DNAJC6: variants seen among roughly 807,000 people sequenced by gnomAD.
DNAJC6 encodes the protein auxilin.
DNAJC6 carries 34 observed loss-of-function variants against 110.0 expected under a neutral mutation model. The ratio of observed to expected loss-of-function variants is 0.31; its 90% CI spans 0.24 to 0.41. The LOEUF is 0.41. DNAJC6 is among the 10% of genes least tolerant of loss of function. The probability of loss-of-function intolerance (pLI) is 1.00; values close to 1 mark genes in which losing one functional copy is unlikely to be tolerated. For synonymous variants in DNAJC6, 406 were observed against 437.2 expected (o/e 0.93, Z 0.89); for missense variants, 1,031 against 1,207.8 (o/e 0.85, Z 2.17).
chr1:65,280,505 G>C (rs1653811314), intron 1 of DNAJC6, among the ~76,000 whole-genome samples: 1 of 152,168 alleles, frequency 6.6e-6, no homozygotes, highest in Non-Finnish European at 1.5e-5. Flanking sequence ...TTACGTGTTA[G>C]GAGGATAATT....
chr1:65,398,890 A>G lies in DNAJC6; in HGVS notation c.2107+9A>G. On this transcript the variant is annotated intron_variant, in intron 14 of 18. Transcript: ENST00000371069. ...CTGGCATGCTAAACCAGGTAAAAGC[A>G]GGTTATTTTCTGTACACATTTATAT... 6.2e-7 allele frequency: 1 copy of G among 1,613,870 alleles called. No individual in the cohort carries two copies. The highest frequency in any genetic ancestry group is 8.5e-7 in the Non-Finnish European group (1 of 1,179,840).
At position 65,367,873 on chromosome 1, in the gene DNAJC6, ATTTTT is replaced by A. The variant is rs67626971; in HGVS notation, c.543+1692_543+1696del. Among the ~76,000 whole-genome samples the A allele has an allele frequency of 4.0e-3, 547 of 136,916 alleles. 5 individuals carry two copies. The highest frequency in any genetic ancestry group is 0.011 in the African/African-American group (409 of 38,162). The allele number at this position is 136,916 out of a possible 152,430, so 89.8% of individuals were successfully genotyped here. On this transcript the variant is annotated intron_variant, in intron 4 of 18. Coordinates refer to ENST00000371069, the MANE Select transcript of DNAJC6 (RefSeq NM_001256864.2). ...TACTTGCCCTAGAAGAGGAGGGAGC[ATTTTT>A]TTTTTTTTTTTTTTGGATACCTAGA... is the stretch of plus-strand genomic sequence containing the variant.
chr1:65,272,297 A>G (rs1653531164), intron 1 of DNAJC6, among the ~76,000 whole-genome samples: 1 of 152,212 alleles, frequency 6.6e-6, no homozygotes, highest in Non-Finnish European at 1.5e-5. Context: ...ATTTTTCTGT[A>G]TTATGTGCAT....
intron 1 of DNAJC6, chr1:65,279,033 C>G (rs567899694): frequency 1.0e-6 from 1 of 985,402 alleles, no homozygotes; most frequent in South Asian, 4.7e-5. Flanking sequence ...CCTGGAGATA[C>G]TTGTTTCATC....
At chr1:65,306,549 C>T (rs1172109333), upstream of DNAJC6, 2 of 152,172 alleles carry the variant, frequency 1.3e-5, no homozygotes, top group African/African-American at 4.8e-5. Flanking sequence ...CTCAGTATTC[C>T]TCAGTGTCAC....
At chr1:65,389,712 A>G in intron 11 of DNAJC6, 85 bp downstream of exon 11, 2 of 1,435,084 alleles carry the variant, frequency 1.4e-6, no homozygotes, top group South Asian at 1.2e-5. Flanking sequence ...AGCAGACTAC[A>G]TTAAAGCAGC....
chr1:65,370,829 A>G (rs1341690992), intron 4 of DNAJC6, among the ~76,000 whole-genome samples: 2 of 152,178 alleles, frequency 1.3e-5, no homozygotes, highest in African/African-American at 2.4e-5. Flanking sequence ...TTGAAGGTCA[A>G]TGTTTTTACC....
chr1:65,350,933 A>G (rs576022454), intron 1 of DNAJC6, among the ~76,000 whole-genome samples: 2 of 151,954 alleles, frequency 1.3e-5, no homozygotes, highest in Non-Finnish European at 2.9e-5. Flanking sequence ...GTGAAGTCTT[A>G]CTCTCTATAT....
intron 4 of DNAJC6, among the ~76,000 whole-genome samples, chr1:65,371,275 C>T (rs918980281): frequency 6.6e-6 from 1 of 152,188 alleles, no homozygotes; most frequent in African/African-American, 2.4e-5. Flanking sequence ...CCTAGGTTCA[C>T]ATCTCAGCTG....
At chr1:65,294,923 A>T (rs561007753) in intron 1 of DNAJC6, among the ~76,000 whole-genome samples, 14 of 152,312 alleles carry the variant, frequency 9.2e-5, no homozygotes, top group African/African-American at 2.9e-4. Flanking sequence ...ATATGTAAGG[A>T]TTCTAAGTGG....
intron 1 of DNAJC6, among the ~76,000 whole-genome samples, chr1:65,326,077 T>A (rs1342824288): frequency 1.6e-4 from 24 of 152,182 alleles, no homozygotes; most frequent in Non-Finnish European, 1.5e-5. Context: ...CATGACTGTA[T>A]ATGAGAACAG....
rs1056444709 is a variant in DNAJC6 at position 65,371,719 on chromosome 1, T to A, written c.543+5523T>A. Among the ~76,000 whole-genome samples, 6 of 152,284 alleles carry A rather than the reference T, an allele frequency of 3.9e-5. No individual in the cohort carries two copies. In the South Asian group the frequency reaches 1.0e-3, roughly 26 times the overall value. On this transcript the variant is annotated intron_variant, in intron 4 of 18. Transcript: ENST00000371069. ...CGATGATTTGGCTTCTTTTTCCCACTGGGTGGTATCATGGCAGTGCTGTAA... is the reference window on the plus strand; with the variant it reads ...CGATGATTTGGCTTCTTTTTCCCACAGGGTGGTATCATGGCAGTGCTGTAA...
At chr1:65,351,375 G>T (rs959881388) in intron 1 of DNAJC6, among the ~76,000 whole-genome samples, 1 of 152,176 alleles carries the variant, frequency 6.6e-6, no homozygotes, top group Non-Finnish European at 1.5e-5. Flanking sequence ...TGCATTTTAA[G>T]TAAAGACCCC....
Position 65,386,962 on chromosome 1 carries a change from C to T in DNAJC6, c.1113+33C>T, listed in dbSNP as rs561669280. 6.5e-6 allele frequency: 10 copies of T among 1,531,214 alleles called. No individual in the cohort carries two copies. In the South Asian group the frequency reaches 1.1e-4, roughly 17 times the overall value. 94.9% of individuals were successfully genotyped at this position (1,531,214 alleles called of 1,614,324 possible). A position where few individuals can be genotyped will look rare whatever the true frequency, so the allele number is the denominator to read the frequency against. ...TTTTGGAAGAATCATGGCATAAGTTCATCTGAGTCTTCAATAGGAGTATTT... is the reference window on the plus strand; with the variant it reads ...TTTTGGAAGAATCATGGCATAAGTTTATCTGAGTCTTCAATAGGAGTATTT... On this transcript the variant is annotated intron_variant, in intron 8 of 18. Transcript: ENST00000371069.
intron 5 of DNAJC6, among the ~76,000 whole-genome samples, chr1:65,383,893 A>G (rs904304230): frequency 1.3e-5 from 2 of 152,208 alleles, no homozygotes; most frequent in African/African-American, 4.8e-5. Flanking sequence ...TCAACTATTA[A>G]TTCAACAAGT....
chr1:65,279,333 G>A, intron 1 of DNAJC6: 1 of 222,946 alleles, frequency 4.5e-6, no homozygotes, highest in East Asian at 1.8e-4. Context: ...CTGCAGGGAA[G>A]GGGACGTGCC....
intron 1 of DNAJC6, among the ~76,000 whole-genome samples, chr1:65,301,427 C>G (rs747882136): frequency 2.6e-4 from 39 of 152,152 alleles, no homozygotes; most frequent in Non-Finnish European, 3.7e-4. Flanking sequence ...ACCACTGACA[C>G]AGTCCCCAAA....
At chr1:65,406,741 G>A (rs1646080707) in intron 16 of DNAJC6, among the ~76,000 whole-genome samples, 1 of 152,156 alleles carries the variant, frequency 6.6e-6, no homozygotes, top group South Asian at 2.1e-4. Flanking sequence ...TCTTGACAAT[G>A]AATGAAAAGT....
intron 1 of DNAJC6, among the ~76,000 whole-genome samples, chr1:65,281,659 A>AG (rs1653848983): frequency 6.6e-6 from 1 of 151,724 alleles, no homozygotes; most frequent in South Asian, 2.1e-4. Flanking sequence ...CCCAGACTGG[A>AG]GTGCAGTGGC....
Sources: allele counts gnomAD v4.1 joint callset (sites outside exome capture counted in the v4.1 genomes callset), GRCh38; gene constraint gnomAD v4.1.1; transcripts MANE v1.5; gene names NCBI Gene and HGNC (gene_info 2026-07-23, HGNC 2026-07-21).